Variants in THSD4 observed in about 807,000 individuals in gnomAD.
The protein encoded by THSD4 is thrombospondin type-1 domain-containing protein 4.
In THSD4, 69 loss-of-function variants were observed where a neutral mutation model predicts 119.0. The ratio of observed to expected loss-of-function variants is 0.58; its 90% CI spans 0.48 to 0.71. The LOEUF (loss-of-function observed/expected upper bound fraction) is 0.71, where lower values mean the gene tolerates loss of function less well. THSD4 is among the 30% of genes least tolerant of loss of function. The pLI, the probability that THSD4 is intolerant of heterozygous loss-of-function variation, is 0.00. For synonymous variants in THSD4, 524 were observed against 540.4 expected (o/e 0.97, Z 0.42); for missense variants, 1,393 against 1,391.1 (o/e 1.00, Z -0.02).
intron 6 of THSD4, among the ~76,000 whole-genome samples, chr15:71,266,902 A>T (rs914491661): frequency 1.3e-5 from 2 of 152,040 alleles, no homozygotes; most frequent in Non-Finnish European, 2.9e-5. Flanking sequence ...GCGTGAAGAC[A>T]AGATTAGAGA....
At position 71,236,217 on chromosome 15, in the gene THSD4, G is replaced by C. The variant is rs150561426; in HGVS notation, c.465-6432G>C. 1.4e-3 allele frequency among the ~76,000 whole-genome samples: 215 copies of C among 152,340 alleles called. 1 individual carries two copies. The highest frequency in any genetic ancestry group is 4.7e-3 in the African/African-American group (197 of 41,582). Reference sequence around the variant, plus strand: ...AGCCTAAGAAACACAAAACAGCCTGGCTCCGGAGGGCGGGGCTCTCACTCT... The same window carrying C: ...AGCCTAAGAAACACAAAACAGCCTGCCTCCGGAGGGCGGGGCTCTCACTCT... On this transcript the variant is annotated intron_variant, in intron 4 of 17. Coordinates refer to ENST00000261862, the MANE Select transcript of THSD4 (RefSeq NM_024817.3).
chr15:71,601,024 G>A (rs919209453), intron 7 of THSD4, among the ~76,000 whole-genome samples: 1 of 152,148 alleles, frequency 6.6e-6, no homozygotes, highest in Non-Finnish European at 1.5e-5. Flanking sequence ...TGGCATTACA[G>A]GCATGAGCCA....
At position 71,781,844 on chromosome 15, in the gene THSD4, T is replaced by G. The variant is rs2054002931; in HGVS notation, c.*4470T>G. 6.6e-6 allele frequency: 1 copy of G among 152,314 alleles called. No individual in the cohort carries two copies. Among genetic ancestry groups the G allele is most frequent in the Admixed American group, 6.5e-5 (1 of 15,280 alleles). The allele number at this position is 152,314 out of a possible 1,614,324, so 9.4% of individuals were successfully genotyped here. ...GCTCAGGGCCGTCTCCACTCAGGGCTTAGGGGAGTCTGTGAGTAGAAGAGC... is the reference window on the plus strand; with the variant it reads ...GCTCAGGGCCGTCTCCACTCAGGGCGTAGGGGAGTCTGTGAGTAGAAGAGC... On this transcript the variant is annotated 3_prime_UTR_variant, in exon 18 of 18. Transcript: ENST00000261862.
intron 6 of THSD4, among the ~76,000 whole-genome samples, chr15:71,326,700 A>AAAAAAATATATATATATAT (rs1555464320): frequency 1.6e-4 from 1 of 6,450 alleles, no homozygotes. Context: ...AAAAAAAAAA[A>AAAAAAATATATATATATAT]ATATATATAT....
chr15:71,260,709 C>T (rs7171843), intron 6 of THSD4, among the ~76,000 whole-genome samples: 5,663 of 152,118 alleles, frequency 0.037, 332 homozygotes, highest in African/African-American at 0.13. Context: ...CTCGGGCAGG[C>T]GAGAAGGCTT....
chr15:71,364,212 A>G (rs989661598), intron 6 of THSD4, among the ~76,000 whole-genome samples: 8 of 152,176 alleles, frequency 5.3e-5, no homozygotes, highest in Admixed American at 1.3e-4. Flanking sequence ...GTGGAATCAC[A>G]TGGGATGGGA....
chr15:71,570,301 A>G (rs2049324324), intron 7 of THSD4, among the ~76,000 whole-genome samples: 2 of 152,196 alleles, frequency 1.3e-5, no homozygotes, highest in South Asian at 4.1e-4. Flanking sequence ...CAACAACCCT[A>G]TGAGAGATAT....
chr15:71,627,239 C>T (rs1436936878), intron 7 of THSD4, among the ~76,000 whole-genome samples: 1 of 152,226 alleles, frequency 6.6e-6, no homozygotes, highest in Non-Finnish European at 1.5e-5. Context: ...TTCTATTCAT[C>T]CATCCTAAGG....
At chr15:71,489,825 ATTTTT>A (rs60388807) in intron 7 of THSD4, among the ~76,000 whole-genome samples, 1 of 151,808 alleles carries the variant, frequency 6.6e-6, no homozygotes, top group Non-Finnish European at 1.5e-5. Context: ...CATTTTAAAC[ATTTTT>A]TTTTTTCTAT....
intron 8 of THSD4, among the ~76,000 whole-genome samples, chr15:71,689,243 G>A (rs2141046928): frequency 6.6e-6 from 1 of 152,304 alleles, no homozygotes; most frequent in South Asian, 2.1e-4. Flanking sequence ...TCTCTGCTCT[G>A]GGAGCCACCA....
At chr15:71,739,361 A>G (rs1321621159) in intron 11 of THSD4, among the ~76,000 whole-genome samples, 1 of 152,174 alleles carries the variant, frequency 6.6e-6, no homozygotes, top group Non-Finnish European at 1.5e-5. Context: ...GAGTTGTAGG[A>G]TTTGGGAGGA....
chr15:71,110,907 G>A (rs563137121), upstream of THSD4: 8 of 530,382 alleles, frequency 1.5e-5, no homozygotes, highest in East Asian at 3.1e-5. Context: ...GGCCCTGGGC[G>A]TATGCCGTAG....
rs149687111 is a variant in THSD4, at chr15:71,204,097, C to A, written c.100-10938C>A. ...GAGCATGAGGCTATCACAAAAACCACACCAGGCACTGCACAGAGACATCTG... is the reference window on the plus strand; with the variant it reads ...GAGCATGAGGCTATCACAAAAACCAAACCAGGCACTGCACAGAGACATCTG... On this transcript the variant is annotated intron_variant, in intron 3 of 17. Coordinates refer to ENST00000261862, the MANE Select transcript of THSD4 (RefSeq NM_024817.3). Among the ~76,000 whole-genome samples the A allele has an allele frequency of 9.8e-5, 15 of 152,300 alleles. No homozygotes were observed. In the East Asian group the frequency reaches 2.5e-3, roughly 25 times the overall value.
chr15:71,658,788 G>C (rs542861469), intron 7 of THSD4, among the ~76,000 whole-genome samples: 2 of 152,352 alleles, frequency 1.3e-5, no homozygotes, highest in African/African-American at 4.8e-5. Flanking sequence ...AGCATATTGA[G>C]ATGATGTTCT....
intron 5 of THSD4, 65 bp downstream of exon 5, chr15:71,243,161 C>G (rs542417214): frequency 6.6e-7 from 1 of 1,508,040 alleles, no homozygotes; most frequent in Non-Finnish European, 9.0e-7. Flanking sequence ...TCATTTGGCA[C>G]TAAGCATGAT....
chr15:71,359,181 C>T (rs2045860890), intron 6 of THSD4, among the ~76,000 whole-genome samples: 1 of 152,176 alleles, frequency 6.6e-6, no homozygotes, highest in African/African-American at 2.4e-5. Flanking sequence ...TGTACACACC[C>T]AGGACAGTGT....
chr15:71,762,428 T>C (rs904193746), intron 15 of THSD4, among the ~76,000 whole-genome samples: 3 of 152,220 alleles, frequency 2.0e-5, no homozygotes, highest in African/African-American at 7.2e-5. Flanking sequence ...TCTTTCAGAT[T>C]ATGTTTTCAA....
At chr15:71,429,733 G>A (rs2046917742) in intron 7 of THSD4, among the ~76,000 whole-genome samples, 1 of 152,196 alleles carries the variant, frequency 6.6e-6, no homozygotes, top group Non-Finnish European at 1.5e-5. Context: ...GTTAACAGAT[G>A]AGCTAGTGAC....
At chr15:71,643,156 C>T (rs927129863) in intron 7 of THSD4, among the ~76,000 whole-genome samples, 4 of 151,710 alleles carry the variant, frequency 2.6e-5, no homozygotes, top group South Asian at 2.1e-4. Context: ...TTTTAAAGTG[C>T]CCATGCATAT....
Sources: gnomAD v4.1 joint callset for allele counts (sites outside exome capture counted in the v4.1 genomes callset) on GRCh38, gnomAD v4.1.1 for gene constraint, MANE v1.5 for transcripts, NCBI Gene and HGNC (gene_info 2026-07-23, HGNC 2026-07-21) for gene names.